The following KRT26 variants were observed in gnomAD, a reference collection of about 807,000 sequenced individuals.
The protein encoded by KRT26 is keratin 26, also known as keratin, type I cytoskeletal 26.
KRT26 carries 45 observed loss-of-function variants against 46.1 expected under a neutral mutation model. The observed-to-expected ratio is 0.98, with a 90% CI of 0.77 to 1.25. The LOEUF (loss-of-function observed/expected upper bound fraction) is 1.25. KRT26 is among the 50% of genes most tolerant of loss of function. KRT26 has a pLI of 0.00. For missense variants in KRT26, 582 were observed against 560.1 expected (o/e 1.04, Z -0.39); for synonymous variants, 191 against 209.9 (o/e 0.91, Z 0.78).
chr17:40,769,142 G>T (rs752448302), intron 5 of KRT26, 46 bp from the exon 6 acceptor site: 2 of 1,210,356 alleles, frequency 1.7e-6, no homozygotes, highest in Non-Finnish European at 2.4e-6. Flanking sequence ...AAGAGAAATG[G>T]CATGGTCATC....
In KRT26 at chr17:40,772,014, AC is replaced by A; in HGVS notation, c.99del (p.Cys34ValfsTer52). The A allele has an allele frequency of 6.2e-7, 1 of 1,614,092 alleles. No individual in the cohort carries two copies. The highest frequency in any genetic ancestry group is 2.2e-5 in the East Asian group (1 of 44,886). Reference sequence around the variant, plus strand: ...CTGCTTCTTGCTCCCGATCCAACACACACATTCCCAGCCACGAAGCCTGTTC... The same window carrying A: ...CTGCTTCTTGCTCCCGATCCAACACAACATTCCCAGCCACGAAGCCTGTTC... On this transcript the variant is annotated frameshift_variant, in exon 1 of 8. Coordinates refer to ENST00000335552, the Ensembl canonical transcript of KRT26. LOFTEE classifies it high-confidence loss of function.
chr17:40,770,026 TC>T lies in KRT26; in HGVS notation c.777del (p.Met259IlefsTer45), dbSNP rs549627938. ...TCAGCCAAGTCCTCATACTCAGCCC[TC>T]ATGTTGTTCAACAGGACAGTTAGGT... On this transcript the variant is annotated frameshift_variant, in exon 4 of 8. Coordinates refer to ENST00000335552, the Ensembl canonical transcript of KRT26. LOFTEE classifies it high-confidence loss of function. 22 of 1,614,174 alleles carry T rather than the reference TC, an allele frequency of 1.4e-5. No individual in the cohort carries two copies. The South Asian group carries it at 2.2e-4, about 16-fold the overall frequency.
exon 1 of KRT26, chr17:40,771,839 T>A: frequency 6.2e-7 from 1 of 1,613,088 alleles, no homozygotes; most frequent in South Asian, 1.1e-5. Flanking sequence ...TGCCAGGCGG[T>A]CGTTGAGATT....
chr17:40,766,551 A>C, exon 8 of KRT26: 1 of 1,613,458 alleles, frequency 6.2e-7, no homozygotes, highest in South Asian at 1.1e-5. Context: ...GCTCTACTGT[A>C]ATGTTGCTTA....
At chr17:40,766,473 TC>T in exon 8 of KRT26, 2 of 1,473,698 alleles carry the variant, frequency 1.4e-6, no homozygotes, top group Non-Finnish European at 1.8e-6. Flanking sequence ...TCTTTCTCTC[TC>T]TCTCTCTTTC....
intron 2 of KRT26, 142 bp from the exon 3 acceptor site, chr17:40,770,551 T>C: frequency 1.7e-6 from 1 of 591,814 alleles, no homozygotes; most frequent in East Asian, 2.9e-5. Context: ...GCTAAAATGG[T>C]TTGAGATACC....
chr17:40,770,990 C>T (rs917783517), intron 2 of KRT26, among the ~76,000 whole-genome samples, 164 bp downstream of exon 2: 16 of 152,330 alleles, frequency 1.1e-4, no homozygotes, highest in African/African-American at 3.6e-4. Flanking sequence ...CTCTATCCAA[C>T]CATGATAGCT....
rs1387019462 is a variant in KRT26, at chr17:40,771,993, T to C, written c.121A>G (p.Ser41Gly). The C allele has an allele frequency of 5.0e-6, 8 of 1,614,080 alleles. No individual in the cohort carries two copies. The African/African-American group carries it at 8.0e-5, about 16-fold the overall frequency. The change falls in exon 1 of 8, where the codon AGC becomes GGC. Residue 41 changes from serine (S) to glycine (G), a missense_variant. Transcript: ENST00000335552. ...CCCTCAAGAGTACAAGAAAAGCTGC[T>C]TCTTGCTCCCGATCCAACACACACA... is the stretch of plus-strand genomic sequence containing the variant.
chr17:40,767,401 C>T (rs147526887), intron 7 of KRT26, among the ~76,000 whole-genome samples, 185 bp downstream of exon 7: 1 of 152,186 alleles, frequency 6.6e-6, no homozygotes. Flanking sequence ...ATAATTTGAC[C>T]ACATCTGTTG....
At chr17:40,767,487 C>A in intron 7 of KRT26, 99 bp downstream of exon 7, 1 of 677,930 alleles carries the variant, frequency 1.5e-6, no homozygotes, top group African/African-American at 1.9e-5. Flanking sequence ...CAGAAGTAAA[C>A]TTAAAAACAA....
At chr17:40,771,233 T>C (rs1286205167) in exon 2 of KRT26, 1 of 1,575,524 alleles carries the variant, frequency 6.3e-7, no homozygotes. Flanking sequence ...GTCGCAGAAA[T>C]AATCTAAATA....
At chr17:40,766,407 A>T in exon 8 of KRT26, 1 of 878,834 alleles carries the variant, frequency 1.1e-6, no homozygotes, top group Non-Finnish European at 1.7e-6. Context: ...AGAAATGAAT[A>T]ATTTCCTTAG....
chr17:40,770,444 C>A, intron 2 of KRT26, 35 bp from the exon 3 acceptor site: 1 of 1,540,384 alleles, frequency 6.5e-7, no homozygotes, highest in South Asian at 1.3e-5. Flanking sequence ...GAGTTGTCAT[C>A]GTAGGCAGGT....
At chr17:40,769,572 A>G (rs2144145736) in intron 5 of KRT26, among the ~76,000 whole-genome samples, 182 bp downstream of exon 5, 1 of 152,316 alleles carries the variant, frequency 6.6e-6, no homozygotes, top group Non-Finnish European at 1.5e-5. Context: ...CTATTGTAAA[A>G]AGGCATTTTT....
Position 40,769,936 on chromosome 17 carries a change from C to T in KRT26, c.843+25G>A, listed in dbSNP as rs764282131. ...TGGCCTGATTGTCTCCTGAGCAAGC[C>T]CTTTGTAATTTGCCATAGACCTACC... On this transcript the variant is annotated intron_variant, in intron 4 of 7. Coordinates refer to ENST00000335552, the Ensembl canonical transcript of KRT26. 12 of 1,613,938 alleles carry T rather than the reference C, an allele frequency of 7.4e-6. No homozygotes were observed. The Admixed American group carries it at 2.0e-4, about 27-fold the overall frequency.
chr17:40,770,061 G>A (rs754530847), exon 4 of KRT26: 2 of 1,614,094 alleles, frequency 1.2e-6, no homozygotes, highest in East Asian at 2.2e-5. Flanking sequence ...GTCCACTCCT[G>A]GGGTTGCATT....
chr17:40,768,847 G>GTTTT (rs5820360), intron 6 of KRT26, 32 bp downstream of exon 6: 4 of 986,884 alleles, frequency 4.1e-6, no homozygotes, highest in Non-Finnish European at 4.3e-6. Flanking sequence ...TTAATGTGAG[G>GTTTT]TTTTTTTTTT....
chr17:40,769,094 T>G lies in KRT26; in HGVS notation c.972A>C (p.Lys324Asn), dbSNP rs775938774. The G allele has an allele frequency of 1.2e-5, 19 of 1,609,002 alleles. 1 individual carries two copies. The South Asian group carries it at 2.1e-4, about 18-fold the overall frequency. ...CAGCCAAGGAGCATTCATAGGAATG[T>G]TTCTGAAAGAAAAGCAAAGTGAAGC... The change falls in exon 6 of 8, where the codon AAA becomes AAC. Residue 324 changes from lysine (K) to asparagine (N), a missense_variant and splice_region_variant. Coordinates refer to ENST00000335552, the Ensembl canonical transcript of KRT26.
intron 6 of KRT26, among the ~76,000 whole-genome samples, chr17:40,768,631 T>C (rs2038190258): frequency 6.6e-6 from 1 of 152,246 alleles, no homozygotes; most frequent in Non-Finnish European, 1.5e-5. Context: ...AGTACTGGAA[T>C]TGTTAAATAT....
Sources: gnomAD v4.1 joint callset for allele counts (sites outside exome capture counted in the v4.1 genomes callset) on GRCh38, gnomAD v4.1.1 for gene constraint, MANE v1.5 for transcripts, NCBI Gene and HGNC (gene_info 2026-07-23, HGNC 2026-07-21) for gene names.